TMEM200B: variants seen among roughly 807,000 people sequenced by gnomAD.
TMEM200B encodes transmembrane protein TTMA.
TMEM200B carries 12 observed loss-of-function variants against 17.6 expected under a neutral mutation model. The ratio of observed to expected loss-of-function variants is 0.68; its 90% CI spans 0.44 to 1.11. The LOEUF is 1.11. TMEM200B is among the 50% of genes least tolerant of loss of function. TMEM200B has a pLI of 0.00. For missense variants in TMEM200B, 456 were observed against 447.6 expected (o/e 1.02, Z -0.17); for synonymous variants, 234 against 209.2 (o/e 1.12, Z -1.02).
Position 29,121,761 on chromosome 1 carries a change from A to C in TMEM200B, c.68T>G (p.Leu23Trp). The C allele has an allele frequency of 8.2e-7, 1 of 1,226,200 alleles. No individual in the cohort carries two copies. Among genetic ancestry groups the C allele is most frequent in the Non-Finnish European group, 1.0e-6 (1 of 983,758 alleles). The allele number at this position is 1,226,200 out of a possible 1,614,324, so 76.0% of individuals were successfully genotyped here. A position where few individuals can be genotyped will look rare whatever the true frequency, so the allele number is the denominator to read the frequency against. ...RRSPEGRVSRLGRRLGRRRRP... is the reference protein window; with the variant it reads ...RRSPEGRVSRWGRRLGRRRRP... ...CCGGCGGCGGCCCAGGCGGCGGCCC[A>C]AGCGAGAGACGCGGCCCTCGGGGCT... The change falls in exon 2 of 2, where the codon TTG becomes TGG. Residue 23 changes from leucine to tryptophan, a missense_variant. Coordinates refer to ENST00000521452, the MANE Select transcript of TMEM200B (RefSeq NM_001003682.4). This position sits in a 1 kb window ranked among gnomAD's most constrained non-coding sequence, Gnocchi z 5.6.
chr1:29,119,708 C>T lies in TMEM200B; in HGVS notation c.*1197G>A, dbSNP rs1304824578. 1 of 152,736 alleles carries T rather than the reference C, an allele frequency of 6.5e-6. No homozygotes were observed. The highest frequency in any genetic ancestry group is 1.5e-5 in the Non-Finnish European group (1 of 68,180). The allele number at this position is 152,736 out of a possible 1,614,324, so 9.5% of individuals were successfully genotyped here. A position where few individuals can be genotyped will look rare whatever the true frequency, so the allele number is the denominator to read the frequency against. ...GCCAGAGCTGCGGCCTGACTGACGCCTTTTGATGCTCACGGGAAATTTCTG... is the reference window on the plus strand; with the variant it reads ...GCCAGAGCTGCGGCCTGACTGACGCTTTTTGATGCTCACGGGAAATTTCTG... On this transcript the variant is annotated 3_prime_UTR_variant, in exon 2 of 2. Transcript: ENST00000521452.
rs1379225781 is a variant in TMEM200B at position 29,119,769 on chromosome 1, A to C, written c.*1136T>G. The C allele has an allele frequency of 6.5e-6, 1 of 152,682 alleles. No homozygotes were observed. The highest frequency in any genetic ancestry group is 2.4e-5 in the African/African-American group (1 of 41,468). 9.5% of individuals were successfully genotyped at this position (152,682 alleles called of 1,614,324 possible). The stretch of plus-strand genomic sequence containing the variant: ...CAGCCCCAGGCTGGTTGTTTCTACA[A>C]ATCTCTCTCAAATGTATTATTTTGG... On this transcript the variant is annotated 3_prime_UTR_variant, in exon 2 of 2. Coordinates refer to ENST00000521452, the MANE Select transcript of TMEM200B (RefSeq NM_001003682.4).
rs1217144523 is a variant in TMEM200B, at chr1:29,121,944, C to A, written c.-20-96G>T. The A allele has an allele frequency of 1.0e-6, 1 of 967,782 alleles. No homozygotes were observed. The highest frequency in any genetic ancestry group is 4.9e-5 in the East Asian group (1 of 20,308). The allele number at this position is 967,782 out of a possible 1,614,324, so 59.9% of individuals were successfully genotyped here. ...GCAAATCCGGGAGGGAAGCTCCGGC[C>A]GCCCAGCCCAGGCCGCTTGGAGATC... On this transcript the variant is annotated intron_variant, in intron 1 of 1. Coordinates refer to ENST00000521452, the MANE Select transcript of TMEM200B (RefSeq NM_001003682.4). This position sits in a 1 kb window ranked among gnomAD's most constrained non-coding sequence, Gnocchi z 5.6.
rs964470388 is a variant in TMEM200B, at chr1:29,119,546, G to C, written c.*1359C>G. 6.6e-6 allele frequency: 1 copy of C among 152,256 alleles called. No individual in the cohort carries two copies. The highest frequency in any genetic ancestry group is 2.4e-5 in the African/African-American group (1 of 41,438). 9.4% of individuals were successfully genotyped at this position (152,256 alleles called of 1,614,324 possible). ...TATTTATAAGCCGAGGGCTCAGGGA[G>C]CCTAACTGCGGGACCCGTCAGGGCC... On this transcript the variant is annotated 3_prime_UTR_variant, in exon 2 of 2. Transcript: ENST00000521452.
intron 1 of TMEM200B, among the ~76,000 whole-genome samples, chr1:29,123,267 G>C (rs1165682607): frequency 2.0e-5 from 3 of 152,218 alleles, no homozygotes; most frequent in African/African-American, 7.2e-5. Flanking sequence ...CTACGGCCCA[G>C]GGAGGCCGGG....
At position 29,121,455 on chromosome 1, in the gene TMEM200B, C is replaced by T; in HGVS notation, c.374G>A (p.Gly125Asp). The T allele has an allele frequency of 6.5e-7, 1 of 1,533,772 alleles. No homozygotes were observed. Among genetic ancestry groups the T allele is most frequent in the Non-Finnish European group, 8.7e-7 (1 of 1,145,464 alleles). The change falls in exon 2 of 2, where the codon GGC becomes GAC. Residue 125 changes from glycine (G) to aspartate (D), a missense_variant. Physicochemically the swap from Gly to Asp is moderately conservative, Grantham distance 94. Transcript: ENST00000521452. This position sits in a 1 kb window ranked among gnomAD's most constrained non-coding sequence, Gnocchi z 5.6. ...GTTGGCGCAGATGAACACGAACAGG[C>T]CGACGCCCATGATCACCGGCCCGAG... Reference protein sequence around the residue: ...RLLGPVIMGVGLFVFICANTL... With the variant: ...RLLGPVIMGVDLFVFICANTL...
Position 29,121,543 on chromosome 1 carries a change from C to T in TMEM200B, c.286G>A (p.Glu96Lys), listed in dbSNP as rs957913628. 7 of 1,506,734 alleles carry T rather than the reference C, an allele frequency of 4.6e-6. No homozygotes were observed. Among genetic ancestry groups the T allele is most frequent in the Admixed American group, 2.3e-5 (1 of 44,244 alleles). The allele number at this position is 1,506,734 out of a possible 1,614,324, so 93.3% of individuals were successfully genotyped here. Residue 96 changes from glutamate (E) to lysine (K), a missense_variant, in exon 2 of 2, where the codon GAG (glutamate) becomes AAG (lysine). Transcript: ENST00000521452. The surrounding 1 kb of genome is among the most constrained non-coding windows in gnomAD (Gnocchi z 5.6). The stretch of plus-strand genomic sequence containing the variant: ...CCGCCGCGACCCTCGCGTCGCAGCT[C>T]GCTCATCTGGGGCGAGCTGGCATTG... ...AANASSPQMS[E>K]LRREGRGGGR...
At position 29,121,996 on chromosome 1, in the gene TMEM200B, G is replaced by A; in HGVS notation, c.-20-148C>T. On this transcript the variant is annotated intron_variant, in intron 1 of 1. Transcript: ENST00000521452. This position sits in a 1 kb window ranked among gnomAD's most constrained non-coding sequence, Gnocchi z 5.6. Reference sequence around the variant, plus strand: ...CTGGCGGCCACCCCCGGATTTTCCCGGGCGGCGAGGCGGGGAGCCGCCCGC... The same window carrying A: ...CTGGCGGCCACCCCCGGATTTTCCCAGGCGGCGAGGCGGGGAGCCGCCCGC... 1.7e-6 allele frequency: 1 copy of A among 593,494 alleles called. No homozygotes were observed. Among genetic ancestry groups the A allele is most frequent in the Non-Finnish European group, 2.3e-6 (1 of 432,040 alleles). 36.8% of individuals were successfully genotyped at this position (593,494 alleles called of 1,614,324 possible). A position where few individuals can be genotyped will look rare whatever the true frequency, so the allele number is the denominator to read the frequency against.
rs745771616 is a variant in TMEM200B at position 29,120,918 on chromosome 1, C to T, written c.911G>A (p.Gly304Glu). 1 of 1,605,318 alleles carries T rather than the reference C, an allele frequency of 6.2e-7. No homozygotes were observed. The highest frequency in any genetic ancestry group is 1.7e-5 in the Admixed American group (1 of 59,460). Reference sequence around the variant, plus strand: ...TCTCCCCTCTCTTCAGACCCGGGCCCCCAAGTCCCCTCCTCCTCCCAATTT... The same window carrying T: ...TCTCCCCTCTCTTCAGACCCGGGCCTCCAAGTCCCCTCCTCCTCCCAATTT... Reference protein sequence around the residue: ...YAKLGGGGDLGARV With the variant: ...YAKLGGGGDLEARV Residue 304 changes from glycine to glutamate, a missense_variant, in exon 2 of 2, where the codon GGG becomes GAG. Transcript: ENST00000521452.
rs1276761285 is a variant in TMEM200B at position 29,120,404 on chromosome 1, C to T, written c.*501G>A. The T allele has an allele frequency of 2.5e-5, 4 of 162,024 alleles. No homozygotes were observed. The highest frequency in any genetic ancestry group is 9.6e-5 in the African/African-American group (4 of 41,642). The allele number at this position is 162,024 out of a possible 1,614,324, so 10.0% of individuals were successfully genotyped here. On this transcript the variant is annotated 3_prime_UTR_variant, in exon 2 of 2. Transcript: ENST00000521452. ...GGATTGAGGTGGTAGGAGTTCAAGG[C>T]TCAGTCCCCGTCCCAGATGGCAGTG...
rs1358962824 is a variant in TMEM200B at position 29,121,678 on chromosome 1, G to A, written c.151C>T (p.Pro51Ser). 1.5e-6 allele frequency: 2 copies of A among 1,367,674 alleles called. No homozygotes were observed. Among genetic ancestry groups the A allele is most frequent in the East Asian group, 3.2e-5 (1 of 31,486 alleles). The allele number at this position is 1,367,674 out of a possible 1,614,324, so 84.7% of individuals were successfully genotyped here. Reference sequence around the variant, plus strand: ...CCCAGCGCCGCGAACGCCCCCGACGGCGAGCGCAGCCGCAGCCGCGCCCGC... The same window carrying A: ...CCCAGCGCCGCGAACGCCCCCGACGACGAGCGCAGCCGCAGCCGCGCCCGC... Reference protein sequence around the residue: ...RVRARLRLRSPSGAFAALGAL... With the variant: ...RVRARLRLRSSSGAFAALGAL... Residue 51 changes from proline (P) to serine (S), a missense_variant, in exon 2 of 2, where the codon CCG becomes TCG. Coordinates refer to ENST00000521452, the MANE Select transcript of TMEM200B (RefSeq NM_001003682.4). The surrounding 1 kb of genome is among the most constrained non-coding windows in gnomAD (Gnocchi z 5.6).
rs1235864058 is a variant in TMEM200B, at chr1:29,119,441, AATTTT to A, written c.*1459_*1463del. On this transcript the variant is annotated 3_prime_UTR_variant, in exon 2 of 2. Coordinates refer to ENST00000521452, the MANE Select transcript of TMEM200B (RefSeq NM_001003682.4). ...ACACCACAGTAACAACTCTCGCTGC[AATTTT>A]ATTTTAATTTGAGAAATAAAGATTT... 2.0e-5 allele frequency: 3 copies of A among 152,686 alleles called. No individual in the cohort carries two copies. Among genetic ancestry groups the A allele is most frequent in the South Asian group, 2.1e-4 (1 of 4,820 alleles). The allele number at this position is 152,686 out of a possible 1,614,324, so 9.5% of individuals were successfully genotyped here.
Position 29,121,700 on chromosome 1 carries a change from C to A in TMEM200B, c.129G>T (p.Arg43=). Residue 43 remains arginine, a synonymous_variant, in exon 2 of 2, where the codon CGG becomes CGT. Transcript: ENST00000521452. The surrounding 1 kb of genome is among the most constrained non-coding windows in gnomAD (Gnocchi z 5.6). The part of the protein sequence containing the change: ...PRSPPEPLRV[R]ARLRLRSPSG... ...ACGGCGAGCGCAGCCGCAGCCGCGC[C>A]CGCACCCGCAGAGGCTCGGGCGGGG... 1 of 1,291,852 alleles carries A rather than the reference C, an allele frequency of 7.7e-7. No individual in the cohort carries two copies. The highest frequency in any genetic ancestry group is 9.8e-7 in the Non-Finnish European group (1 of 1,024,232). 80.0% of individuals were successfully genotyped at this position (1,291,852 alleles called of 1,614,324 possible).
rs1671781418 is a variant in TMEM200B, at chr1:29,121,532, G to A, written c.297C>T (p.Arg99=). 4 of 1,503,974 alleles carry A rather than the reference G, an allele frequency of 2.7e-6. No individual in the cohort carries two copies. The highest frequency in any genetic ancestry group is 3.5e-6 in the Non-Finnish European group (4 of 1,134,168). The allele number at this position is 1,503,974 out of a possible 1,614,324, so 93.2% of individuals were successfully genotyped here. ...ASSPQMSELR[R]EGRGGGRAHG... ...GAGCCCGGCCCCCGCCGCGACCCTCGCGTCGCAGCTCGCTCATCTGGGGCG... is the reference window on the plus strand; with the variant it reads ...GAGCCCGGCCCCCGCCGCGACCCTCACGTCGCAGCTCGCTCATCTGGGGCG... The change falls in exon 2 of 2, where the codon CGC becomes CGT. Residue 99 remains arginine (R), a synonymous_variant. Transcript: ENST00000521452. The surrounding 1 kb of genome is among the most constrained non-coding windows in gnomAD (Gnocchi z 5.6).
Position 29,121,355 on chromosome 1 carries a change from C to T in TMEM200B, c.474G>A (p.Arg158=), listed in dbSNP as rs1268578785. The T allele has an allele frequency of 1.9e-6, 3 of 1,559,916 alleles. No homozygotes were observed. The highest frequency in any genetic ancestry group is 2.6e-6 in the Non-Finnish European group (3 of 1,154,306). Residue 158 remains arginine (R), a synonymous_variant, in exon 2 of 2, where the codon CGG becomes CGA. Coordinates refer to ENST00000521452, the MANE Select transcript of TMEM200B (RefSeq NM_001003682.4). This position sits in a 1 kb window ranked among gnomAD's most constrained non-coding sequence, Gnocchi z 5.6. ...RQGVLRAQAL[R]PPDGPGWDCA... The stretch of plus-strand genomic sequence containing the variant: ...AGTCCCAGCCCGGGCCGTCGGGGGG[C>T]CGGAGCGCCTGGGCCCGCAGCACCC...
Position 29,121,682 on chromosome 1 carries a change from G to GCGCAGC in TMEM200B, c.141_146dup (p.Leu48_Arg49dup), listed in dbSNP as rs910018787. ...GCGCCGCGAACGCCCCCGACGGCGA[G>GCGCAGC]CGCAGCCGCAGCCGCGCCCGCACCC... is the stretch of plus-strand genomic sequence containing the variant. On this transcript the variant is annotated inframe_insertion, in exon 2 of 2. Coordinates refer to ENST00000521452, the MANE Select transcript of TMEM200B (RefSeq NM_001003682.4). This position sits in a 1 kb window ranked among gnomAD's most constrained non-coding sequence, Gnocchi z 5.6. 2.7e-5 allele frequency: 37 copies of GCGCAGC among 1,350,754 alleles called. No individual in the cohort carries two copies. The highest frequency in any genetic ancestry group is 1.1e-4 in the African/African-American group (7 of 65,150). 83.7% of individuals were successfully genotyped at this position (1,350,754 alleles called of 1,614,324 possible). A position where few individuals can be genotyped will look rare whatever the true frequency, so the allele number is the denominator to read the frequency against.
chr1:29,120,827 G>C lies in TMEM200B; in HGVS notation c.*78C>G. 2 of 1,436,756 alleles carry C rather than the reference G, an allele frequency of 1.4e-6. 1 individual carries two copies. Among genetic ancestry groups the C allele is most frequent in the South Asian group, 2.9e-5 (2 of 68,922 alleles). The allele number at this position is 1,436,756 out of a possible 1,614,324, so 89.0% of individuals were successfully genotyped here. ...TGGGATGTGACTGAAACATCTATTA[G>C]ACGTTGGGACTCCTGGTCCTTTGGT... is the stretch of plus-strand genomic sequence containing the variant. On this transcript the variant is annotated 3_prime_UTR_variant, in exon 2 of 2. Coordinates refer to ENST00000521452, the MANE Select transcript of TMEM200B (RefSeq NM_001003682.4).
At position 29,121,581 on chromosome 1, in the gene TMEM200B, C is replaced by T. The variant is rs1195173161; in HGVS notation, c.248G>A (p.Gly83Glu). The change falls in exon 2 of 2, where the codon GGG becomes GAG. Residue 83 changes from glycine (G) to glutamate (E), a missense_variant. Physicochemically the swap from Gly to Glu is moderately conservative, Grantham distance 98. Coordinates refer to ENST00000521452, the MANE Select transcript of TMEM200B (RefSeq NM_001003682.4). The surrounding 1 kb of genome is among the most constrained non-coding windows in gnomAD (Gnocchi z 5.6). ...CGAGCTGGCATTGGCGGCCCGGGAC[C>T]CTGGGGCCCCGGCCCGGTGCGGCCA... is the stretch of plus-strand genomic sequence containing the variant. Reference protein sequence around the residue: ...GYWPHRAGAPGSRAANASSPQ... With the variant: ...GYWPHRAGAPESRAANASSPQ... 2 of 1,493,428 alleles carry T rather than the reference C, an allele frequency of 1.3e-6. No individual in the cohort carries two copies. The highest frequency in any genetic ancestry group is 1.8e-6 in the Non-Finnish European group (2 of 1,130,488). 92.5% of individuals were successfully genotyped at this position (1,493,428 alleles called of 1,614,324 possible). A position where few individuals can be genotyped will look rare whatever the true frequency, so the allele number is the denominator to read the frequency against.
Position 29,121,130 on chromosome 1 carries a change from T to G in TMEM200B, c.699A>C (p.Pro233=), listed in dbSNP as rs747889571. The part of the protein sequence containing the change: ...SYPLKGPGLP[P]PWGPRTQTGH... ...CAGTCTGCGTCCGTGGACCCCAGGG[T>G]GGGGGCAGCCCGGGGCCCTTCAGCG... The change falls in exon 2 of 2, where the codon CCA becomes CCC. Residue 233 remains proline (P), a synonymous_variant. Transcript: ENST00000521452. This position sits in a 1 kb window ranked among gnomAD's most constrained non-coding sequence, Gnocchi z 5.6. The G allele has an allele frequency of 1.2e-6, 2 of 1,613,696 alleles. No individual in the cohort carries two copies. Among genetic ancestry groups the G allele is most frequent in the Non-Finnish European group, 1.7e-6 (2 of 1,180,008 alleles).
Sources: gnomAD v4.1 joint callset for allele counts (sites outside exome capture counted in the v4.1 genomes callset) on GRCh38, gnomAD v4.1.1 for gene constraint, Gnocchi (gnomAD v3.1) non-coding constraint, MANE v1.5 for transcripts, NCBI Gene and HGNC (gene_info 2026-07-23, HGNC 2026-07-21) for gene names.